Variants in DIO3 observed in about 807,000 individuals in gnomAD.
DIO3 encodes thyroxine 5-deiodinase.
A neutral mutation model predicts 20.4 loss-of-function variants in DIO3; 5 were observed. The observed-to-expected ratio is 0.25, with a 90% CI of 0.13 to 0.52. DIO3 has a LOEUF of 0.52. Ranked by LOEUF, DIO3 falls within the 20% of genes least tolerant of loss-of-function variation. The probability of loss-of-function intolerance (pLI) is 0.97; values close to 1 mark genes in which losing one functional copy is unlikely to be tolerated. For synonymous variants in DIO3, 201 were observed against 193.3 expected, an observed-to-expected ratio of 1.04 and a Z score of -0.33; for missense variants, 341 against 438.2, an observed-to-expected ratio of 0.78 and a Z score of 1.98.
Position 101,562,450 on chromosome 14 carries a change from C to A in DIO3, c.*39C>A. ...AATTGACTGAACTTGGTGGGCTGGG[C>A]CTTCGAGCCTTCGAAGCCCACGTGC... On this transcript the variant is annotated 3_prime_UTR_variant, in exon 1 of 1. Transcript: ENST00000510508. The surrounding 1 kb of genome is among the most constrained non-coding windows in gnomAD (Gnocchi z 8.7). 1 of 1,556,748 alleles carries A rather than the reference C, an allele frequency of 6.4e-7. No individual in the cohort carries two copies. The highest frequency in any genetic ancestry group is 8.7e-7 in the Non-Finnish European group (1 of 1,149,114).
Position 101,561,735 on chromosome 14 carries a change from C to T in DIO3, c.239C>T (p.Pro80Leu). The T allele has an allele frequency of 6.2e-7, 1 of 1,612,862 alleles. No homozygotes were observed. Among genetic ancestry groups the T allele is most frequent in the South Asian group, 1.1e-5 (1 of 91,072 alleles). Residue 80 changes from proline (P) to leucine (L), a missense_variant, in exon 1 of 1, where the codon CCC (proline) becomes CTC (leucine). Coordinates refer to ENST00000510508, the Ensembl canonical transcript of DIO3. This position sits in a 1 kb window ranked among gnomAD's most constrained non-coding sequence, Gnocchi z 8.0. ...CTGGGCCGCCGCCGCCGGGGGCAGC[C>T]CGAGCCCGAAGTGGAGCTCAACAGT...
Position 101,561,669 on chromosome 14 carries a change from T to C in DIO3, c.173T>C (p.Met58Thr). ...CCGCGCTTCCTCGGCACGGCCTTCA[T>C]GCTCTGGCTTCTCGATTTCTTGTGT... The change falls in exon 1 of 1, where the codon ATG becomes ACG. Residue 58 changes from methionine (M) to threonine (T), a missense_variant. Physicochemically the swap from Met to Thr is moderately conservative, Grantham distance 81. Transcript: ENST00000510508. This position sits in a 1 kb window ranked among gnomAD's most constrained non-coding sequence, Gnocchi z 8.0. 4 of 1,613,666 alleles carry C rather than the reference T, an allele frequency of 2.5e-6. No individual in the cohort carries two copies. Among genetic ancestry groups the C allele is most frequent in the Non-Finnish European group, 3.4e-6 (4 of 1,179,930 alleles).
chr14:101,562,609 CTG>C lies in DIO3; in HGVS notation c.*200_*201del. On this transcript the variant is annotated 3_prime_UTR_variant, in exon 1 of 1. Coordinates refer to ENST00000510508, the Ensembl canonical transcript of DIO3. The surrounding 1 kb of genome is among the most constrained non-coding windows in gnomAD (Gnocchi z 8.7). ...CCTCCCTGGGACTCTGCTTCTGTAA[CTG>C]TCTCATTCACACCTGCCTGGCTCAC... The C allele has an allele frequency of 3.3e-6, 2 of 610,514 alleles. No homozygotes were observed. Among genetic ancestry groups the C allele is most frequent in the Admixed American group, 6.2e-5 (2 of 32,426 alleles). 37.8% of individuals were successfully genotyped at this position (610,514 alleles called of 1,614,324 possible). A position where few individuals can be genotyped will look rare whatever the true frequency, so the allele number is the denominator to read the frequency against.
chr14:101,562,465 A>G lies in DIO3; in HGVS notation c.*54A>G. 1 of 1,532,698 alleles carries G rather than the reference A, an allele frequency of 6.5e-7. No individual in the cohort carries two copies. 94.9% of individuals were successfully genotyped at this position (1,532,698 alleles called of 1,614,324 possible). A position where few individuals can be genotyped will look rare whatever the true frequency, so the allele number is the denominator to read the frequency against. The stretch of plus-strand genomic sequence containing the variant: ...GTGGGCTGGGCCTTCGAGCCTTCGA[A>G]GCCCACGTGCAAGCGCCTCAAACCA... On this transcript the variant is annotated 3_prime_UTR_variant, in exon 1 of 1. Coordinates refer to ENST00000510508, the Ensembl canonical transcript of DIO3. This position sits in a 1 kb window ranked among gnomAD's most constrained non-coding sequence, Gnocchi z 8.7.
In DIO3 at chr14:101,563,418, A is replaced by G. The variant is rs2034545564; in HGVS notation, c.*1007A>G. 6.0e-6 allele frequency: 1 copy of G among 166,920 alleles called. No individual in the cohort carries two copies. The highest frequency in any genetic ancestry group is 6.5e-5 in the Admixed American group (1 of 15,280). The allele number at this position is 166,920 out of a possible 1,614,324, so 10.3% of individuals were successfully genotyped here. On this transcript the variant is annotated 3_prime_UTR_variant, in exon 1 of 1. Transcript: ENST00000510508. This position sits in a 1 kb window ranked among gnomAD's most constrained non-coding sequence, Gnocchi z 8.3. ...TATTTCCTGTATATAAACTTCTTTC[A>G]ATCTACAATAATAAAGGCTTGAGGT...
chr14:101,561,877 G>A lies in DIO3; in HGVS notation c.381G>A (p.Lys127=). 1 of 1,605,616 alleles carries A rather than the reference G, an allele frequency of 6.2e-7. No homozygotes were observed. Among genetic ancestry groups the A allele is most frequent in the Non-Finnish European group, 8.5e-7 (1 of 1,179,032 alleles). ...ATGGCCAGAAGTTGGATTTCTTCAA[G>A]CAGGCGCACGAGGGCGGTCCGGCGC... Residue 127 remains lysine, a synonymous_variant, in exon 1 of 1, where the codon AAG becomes AAA. Coordinates refer to ENST00000510508, the Ensembl canonical transcript of DIO3. This position sits in a 1 kb window ranked among gnomAD's most constrained non-coding sequence, Gnocchi z 8.0.
At position 101,561,913 on chromosome 14, in the gene DIO3, G is replaced by A. The variant is rs978630465; in HGVS notation, c.417G>A (p.Glu139=). Reference sequence around the variant, plus strand: ...AGGGCGGTCCGGCGCCCAACTCCGAGGTGGTTCTGCCCGACGGCTTCCAGA... The same window carrying A: ...AGGGCGGTCCGGCGCCCAACTCCGAAGTGGTTCTGCCCGACGGCTTCCAGA... The change falls in exon 1 of 1, where the codon GAG becomes GAA. Residue 139 remains glutamate, a synonymous_variant. Transcript: ENST00000510508. The surrounding 1 kb of genome is among the most constrained non-coding windows in gnomAD (Gnocchi z 8.0). 1 of 1,604,748 alleles carries A rather than the reference G, an allele frequency of 6.2e-7. No individual in the cohort carries two copies. Among genetic ancestry groups the A allele is most frequent in the African/African-American group, 1.3e-5 (1 of 74,950 alleles).
At position 101,561,908 on chromosome 14, in the gene DIO3, T is replaced by G. The variant is rs2034528356; in HGVS notation, c.412T>G (p.Ser138Ala). The G allele has an allele frequency of 6.2e-7, 1 of 1,604,728 alleles. No homozygotes were observed. The highest frequency in any genetic ancestry group is 1.1e-5 in the South Asian group (1 of 91,082). The change falls in exon 1 of 1, where the codon TCC (serine) becomes GCC (alanine). Residue 138 changes from serine to alanine, a missense_variant. Coordinates refer to ENST00000510508, the Ensembl canonical transcript of DIO3. This position sits in a 1 kb window ranked among gnomAD's most constrained non-coding sequence, Gnocchi z 8.0. ...GCACGAGGGCGGTCCGGCGCCCAAC[T>G]CCGAGGTGGTTCTGCCCGACGGCTT...
Position 101,561,771 on chromosome 14 carries a change from A to T in DIO3, c.275A>T (p.Glu92Val). The T allele has an allele frequency of 6.2e-7, 1 of 1,612,354 alleles. No individual in the cohort carries two copies. Among genetic ancestry groups the T allele is most frequent in the East Asian group, 2.2e-5 (1 of 44,876 alleles). ...GTGGAGCTCAACAGTGAAGGCGAGG[A>T]GGTGCCTCCCGATGACCCGCCCATC... The change falls in exon 1 of 1, where the codon GAG becomes GTG. Residue 92 changes from glutamate (E) to valine (V), a missense_variant. By Grantham distance (121) the Glu-to-Val change is moderately radical. This residue lies in a region of DIO3 where 198 missense variants were observed against 220.7 expected (regional missense o/e 0.90). Transcript: ENST00000510508. This position sits in a 1 kb window ranked among gnomAD's most constrained non-coding sequence, Gnocchi z 8.0.
chr14:101,562,134 C>T lies in DIO3; in HGVS notation c.638C>T (p.Pro213Leu). ...GACGGCTGGGTCACCACGGACTCTC[C>T]CTACATCATCCCACAGCACCGGAGC... Residue 213 changes from proline to leucine, a missense_variant, in exon 1 of 1, where the codon CCC becomes CTC. Pro to Leu is a moderately conservative substitution (Grantham distance 98). This residue lies in a region of DIO3 where 138 missense variants were observed against 197.8 expected (regional missense o/e 0.70). Coordinates refer to ENST00000510508, the Ensembl canonical transcript of DIO3. This position sits in a 1 kb window ranked among gnomAD's most constrained non-coding sequence, Gnocchi z 8.7. The T allele has an allele frequency of 6.2e-7, 1 of 1,613,134 alleles. No individual in the cohort carries two copies. The highest frequency in any genetic ancestry group is 8.5e-7 in the Non-Finnish European group (1 of 1,180,042).
At position 101,562,195 on chromosome 14, in the gene DIO3, G is replaced by T. The variant is rs760000345; in HGVS notation, c.699G>T (p.Gln233His). The T allele has an allele frequency of 5.0e-6, 8 of 1,612,318 alleles. No individual in the cohort carries two copies. The South Asian group carries it at 8.8e-5, about 18-fold the overall frequency. The stretch of plus-strand genomic sequence containing the variant: ...GGGTCAGCGCAGCGAGGGTACTGCA[G>T]CAAGGTGCACCCGGCTGCGCTCTGG... Residue 233 changes from glutamine to histidine, a missense_variant, in exon 1 of 1, where the codon CAG becomes CAT. Gln to His is a conservative substitution (Grantham distance 24, BLOSUM62 0). Coordinates refer to ENST00000510508, the Ensembl canonical transcript of DIO3. The surrounding 1 kb of genome is among the most constrained non-coding windows in gnomAD (Gnocchi z 8.7).
chr14:101,561,503 C>T lies in DIO3; in HGVS notation c.7C>T (p.Arg3Cys), dbSNP rs1474498473. 5 of 1,600,138 alleles carry T rather than the reference C, an allele frequency of 3.1e-6. No homozygotes were observed. Among genetic ancestry groups the T allele is most frequent in the Admixed American group, 1.7e-5 (1 of 58,520 alleles). ...CTGCACTGCTGAAGCCCAGATGCCT[C>T]GCCAGGCCACGTCGCGGTTGGTGGT... The change falls in exon 1 of 1, where the codon CGC becomes TGC. Residue 3 changes from arginine to cysteine, a missense_variant. Physicochemically the swap from Arg to Cys is radical, Grantham distance 180. This residue lies in a region of DIO3 where 198 missense variants were observed against 220.7 expected (regional missense o/e 0.90). Coordinates refer to ENST00000510508, the Ensembl canonical transcript of DIO3. This position sits in a 1 kb window ranked among gnomAD's most constrained non-coding sequence, Gnocchi z 8.0.
At position 101,562,388 on chromosome 14, in the gene DIO3, G is replaced by A. The variant is rs1282652966; in HGVS notation, c.892G>A (p.Gly298Ser). Residue 298 changes from glycine (G) to serine (S), a missense_variant, in exon 1 of 1, where the codon GGC (glycine) becomes AGC (serine). Gly to Ser is a moderately conservative substitution (Grantham distance 56). Coordinates refer to ENST00000510508, the Ensembl canonical transcript of DIO3. The surrounding 1 kb of genome is among the most constrained non-coding windows in gnomAD (Gnocchi z 8.7). ...GGAACGCTATGATGAGCAACTGCAC[G>A]GCGCTCGGCCCCGGAGGGTGTAAAC... 1 of 1,613,070 alleles carries A rather than the reference G, an allele frequency of 6.2e-7. No homozygotes were observed. The highest frequency in any genetic ancestry group is 8.5e-7 in the Non-Finnish European group (1 of 1,179,568).
In DIO3 at chr14:101,561,530, G is replaced by A. The variant is rs749333893; in HGVS notation, c.34G>A (p.Gly12Arg). 4 of 1,609,472 alleles carry A rather than the reference G, an allele frequency of 2.5e-6. No homozygotes were observed. Among genetic ancestry groups the A allele is most frequent in the Non-Finnish European group, 3.4e-6 (4 of 1,177,814 alleles). ...CCAGGCCACGTCGCGGTTGGTGGTC[G>A]GAGAGGGCGAGGGGTCCCAGGGGGC... The change falls in exon 1 of 1, where the codon GGA becomes AGA. Residue 12 changes from glycine to arginine, a missense_variant. Gly to Arg is a moderately radical substitution (Grantham distance 125, BLOSUM62 -2). Transcript: ENST00000510508. This position sits in a 1 kb window ranked among gnomAD's most constrained non-coding sequence, Gnocchi z 8.0.
rs748146641 is a variant in DIO3, at chr14:101,562,170, G to A, written c.674G>A (p.Arg225Gln). ...CCACAGCACCGGAGCCTGGAGGACC[G>A]GGTCAGCGCAGCGAGGGTACTGCAG... Residue 225 changes from arginine to glutamine, a missense_variant, in exon 1 of 1, where the codon CGG becomes CAG. Physicochemically the swap from Arg to Gln is conservative, Grantham distance 43. Transcript: ENST00000510508. This position sits in a 1 kb window ranked among gnomAD's most constrained non-coding sequence, Gnocchi z 8.7. 1.2e-6 allele frequency: 2 copies of A among 1,612,628 alleles called. No homozygotes were observed. The highest frequency in any genetic ancestry group is 1.7e-5 in the Admixed American group (1 of 60,030).
Position 101,561,806 on chromosome 14 carries a change from G to T in DIO3, c.310G>T (p.Asp104Tyr). ...CGATGACCCGCCCATCTGCGTGTCC[G>T]ACGACAACCGCCTGTGCACCCTGGC... The change falls in exon 1 of 1, where the codon GAC becomes TAC. Residue 104 changes from aspartate (D) to tyrosine (Y), a missense_variant. By Grantham distance (160) the Asp-to-Tyr change is radical (BLOSUM62 -3). This residue lies in a region of DIO3 where 198 missense variants were observed against 220.7 expected (regional missense o/e 0.90). Transcript: ENST00000510508. The surrounding 1 kb of genome is among the most constrained non-coding windows in gnomAD (Gnocchi z 8.0). The T allele has an allele frequency of 3.1e-6, 5 of 1,610,950 alleles. No homozygotes were observed. The highest frequency in any genetic ancestry group is 4.2e-6 in the Non-Finnish European group (5 of 1,179,928).
In DIO3 at chr14:101,562,586, T is replaced by C. The variant is rs973690058; in HGVS notation, c.*175T>C. The C allele has an allele frequency of 9.5e-6, 6 of 631,954 alleles. No homozygotes were observed. In the African/African-American group the frequency reaches 1.1e-4, roughly 12 times the overall value. 39.1% of individuals were successfully genotyped at this position (631,954 alleles called of 1,614,324 possible). A position where few individuals can be genotyped will look rare whatever the true frequency, so the allele number is the denominator to read the frequency against. On this transcript the variant is annotated 3_prime_UTR_variant, in exon 1 of 1. Transcript: ENST00000510508. The surrounding 1 kb of genome is among the most constrained non-coding windows in gnomAD (Gnocchi z 8.7). ...AGCCACATGAACAATCTCCCCTACC[T>C]CCCTGGGACTCTGCTTCTGTAACTG... is the stretch of plus-strand genomic sequence containing the variant.
Position 101,562,541 on chromosome 14 carries a change from C to T in DIO3, c.*130C>T. The T allele has an allele frequency of 1.2e-6, 1 of 849,150 alleles. No homozygotes were observed. 52.6% of individuals were successfully genotyped at this position (849,150 alleles called of 1,614,324 possible). A position where few individuals can be genotyped will look rare whatever the true frequency, so the allele number is the denominator to read the frequency against. On this transcript the variant is annotated 3_prime_UTR_variant, in exon 1 of 1. Coordinates refer to ENST00000510508, the Ensembl canonical transcript of DIO3. This position sits in a 1 kb window ranked among gnomAD's most constrained non-coding sequence, Gnocchi z 8.7. ...ACACTGATGTGCTGAGCCACCATTT[C>T]AGACTGAGTCTGCACCCTCAGCCAC...
Position 101,561,973 on chromosome 14 carries a change from C to T in DIO3, c.477C>T (p.Arg159=). ...TCCTCGACTACGCGCAAGGGAACCG[C>T]CCGCTGGTTCTCAATTTCGGCAGCT... The change falls in exon 1 of 1, where the codon CGC becomes CGT. Residue 159 remains arginine (R), a synonymous_variant. Coordinates refer to ENST00000510508, the Ensembl canonical transcript of DIO3. This position sits in a 1 kb window ranked among gnomAD's most constrained non-coding sequence, Gnocchi z 8.0. 6.2e-7 allele frequency: 1 copy of T among 1,602,894 alleles called. No individual in the cohort carries two copies. Among genetic ancestry groups the T allele is most frequent in the Non-Finnish European group, 8.5e-7 (1 of 1,179,992 alleles).
Sources: gnomAD v4.1 joint callset for allele counts on GRCh38, gnomAD v4.1.1 for gene constraint, gnomAD v4.1.1 regional missense constraint, Gnocchi (gnomAD v3.1) non-coding constraint, MANE v1.5 for transcripts, NCBI Gene and HGNC (gene_info 2026-07-23, HGNC 2026-07-21) for gene names.